The following PRPF38A variants were observed in gnomAD, a reference collection of about 807,000 sequenced individuals.
PRPF38A encodes the protein pre-mRNA processing factor 38A.
A neutral mutation model predicts 46.8 loss-of-function variants in PRPF38A; 11 were observed. The observed-to-expected ratio is 0.24, with a 90% CI of 0.15 to 0.39. PRPF38A has a LOEUF of 0.39. Among genes scored for constraint, PRPF38A ranks in the 10% least tolerant of loss-of-function variants. PRPF38A has a pLI of 1.00. For missense variants in PRPF38A, 261 were observed against 407.5 expected (o/e 0.64, Z 3.10); for synonymous variants, 124 against 136.2 (o/e 0.91, Z 0.62).
chr1:52,410,232 G>GCGGA, intron 3 of PRPF38A, among the ~76,000 whole-genome samples: 2 of 148,266 alleles, frequency 1.3e-5, no homozygotes, highest in Non-Finnish European at 1.5e-5. Flanking sequence ...AACCCGGGAG[G>GCGGA]CGGAGGTTGC....
intron 9 of PRPF38A, 125 bp from the exon 10 acceptor site, chr1:52,416,523 G>A: frequency 1.6e-6 from 1 of 638,952 alleles, no homozygotes; most frequent in Non-Finnish European, 2.8e-6. Context: ...TGGCCAGGCT[G>A]GTCTCGAATT....
At chr1:52,406,708 G>A (rs1388072192) in intron 2 of PRPF38A, among the ~76,000 whole-genome samples, 1 of 152,202 alleles carries the variant, frequency 6.6e-6, no homozygotes, top group Admixed American at 6.5e-5. Flanking sequence ...TCACAAACAA[G>A]TATAGGAGAC....
intron 2 of PRPF38A, among the ~76,000 whole-genome samples, chr1:52,407,162 C>T (rs547063601): frequency 2.6e-5 from 4 of 152,222 alleles, no homozygotes; most frequent in East Asian, 3.9e-4. Flanking sequence ...GGACTACAGG[C>T]GCCCACCACT....
chr1:52,408,556 A>T lies in PRPF38A; in HGVS notation c.291-13A>T, dbSNP rs764752516. On this transcript the variant is annotated splice_polypyrimidine_tract_variant and intron_variant, in intron 2 of 9. Coordinates refer to ENST00000257181, the MANE Select transcript of PRPF38A (RefSeq NM_032864.4). ...TAGGATGGCCTGTTGTTTCACTGTCATCTGTCTCTCAGGTATGTCCGCATG... is the reference window on the plus strand; with the variant it reads ...TAGGATGGCCTGTTGTTTCACTGTCTTCTGTCTCTCAGGTATGTCCGCATG... 1 of 1,614,110 alleles carries T rather than the reference A, an allele frequency of 6.2e-7. No homozygotes were observed. The highest frequency in any genetic ancestry group is 8.5e-7 in the Non-Finnish European group (1 of 1,179,964).
At chr1:52,414,158 A>G (rs1045872809) in intron 6 of PRPF38A, among the ~76,000 whole-genome samples, 167 bp downstream of exon 6, 1 of 152,256 alleles carries the variant, frequency 6.6e-6, no homozygotes, top group Admixed American at 6.5e-5. Context: ...GCAGACAACA[A>G]TAACCATTTG....
In PRPF38A at chr1:52,417,906, A is replaced by ACTAAAAAGCCTCCACGGACATCGATAAT. The variant is rs1268507815; in HGVS notation, c.*1218_*1245dup. 3 of 152,566 alleles carry ACTAAAAAGCCTCCACGGACATCGATAAT rather than the reference A, an allele frequency of 2.0e-5. No individual in the cohort carries two copies. The highest frequency in any genetic ancestry group is 7.2e-5 in the African/African-American group (3 of 41,454). The allele number at this position is 152,566 out of a possible 1,614,324, so 9.5% of individuals were successfully genotyped here. A position where few individuals can be genotyped will look rare whatever the true frequency, so the allele number is the denominator to read the frequency against. On this transcript the variant is annotated 3_prime_UTR_variant, in exon 10 of 10. Transcript: ENST00000257181. ...TCAAGAATGCAGAAGCAAAGGAAGGACTAAAAAGCCTCCACGGACATCGAT... is the reference window on the plus strand; with the variant it reads ...TCAAGAATGCAGAAGCAAAGGAAGGACTAAAAAGCCTCCACGGACATCGATAATCTAAAAAGCCTCCACGGACATCGAT...
At position 52,416,780 on chromosome 1, in the gene PRPF38A, T is replaced by C. The variant is rs753966016; in HGVS notation, c.*90T>C. On this transcript the variant is annotated 3_prime_UTR_variant, in exon 10 of 10. Coordinates refer to ENST00000257181, the MANE Select transcript of PRPF38A (RefSeq NM_032864.4). ...GATTAAGATCTCCCCCAGGCAGCTATAAGAATATTTTAGTTTTTTTCTTAT... is the reference window on the plus strand; with the variant it reads ...GATTAAGATCTCCCCCAGGCAGCTACAAGAATATTTTAGTTTTTTTCTTAT... 14 of 998,806 alleles carry C rather than the reference T, an allele frequency of 1.4e-5. No individual in the cohort carries two copies. The highest frequency in any genetic ancestry group is 2.1e-5 in the Non-Finnish European group (13 of 633,618). The allele number at this position is 998,806 out of a possible 1,614,324, so 61.9% of individuals were successfully genotyped here. A position where few individuals can be genotyped will look rare whatever the true frequency, so the allele number is the denominator to read the frequency against.
chr1:52,415,229 C>A, intron 8 of PRPF38A, 109 bp from the exon 9 acceptor site: 1 of 1,116,652 alleles, frequency 9.0e-7, no homozygotes, highest in Non-Finnish European at 1.3e-6. Context: ...GTGTCCCCTG[C>A]ATAGGCCAAA....
At chr1:52,415,307 G>A in intron 8 of PRPF38A, 31 bp from the exon 9 acceptor site, 1 of 1,608,634 alleles carries the variant, frequency 6.2e-7, no homozygotes, top group South Asian at 1.1e-5. Flanking sequence ...TAGAAGGGTA[G>A]GATCTTATGC....
chr1:52,407,964 G>A (rs1017694619), intron 2 of PRPF38A, among the ~76,000 whole-genome samples: 1 of 152,278 alleles, frequency 6.6e-6, no homozygotes, highest in African/African-American at 2.4e-5. Flanking sequence ...GCTGAGGCAG[G>A]AGAATCGCTT....
chr1:52,405,264 G>A (rs539845646), intron 1 of PRPF38A, among the ~76,000 whole-genome samples: 6 of 152,166 alleles, frequency 3.9e-5, no homozygotes, highest in Non-Finnish European at 5.9e-5. Flanking sequence ...TCTTAGATCT[G>A]GGCCGGTTCC....
chr1:52,413,445 T>A (rs1648205313), intron 5 of PRPF38A, among the ~76,000 whole-genome samples: 3 of 152,074 alleles, frequency 2.0e-5, no homozygotes, highest in Non-Finnish European at 4.4e-5. Flanking sequence ...CTTGCTCTGT[T>A]GCCCAGGCTG....
chr1:52,412,518 G>T lies in PRPF38A; in HGVS notation c.503G>T (p.Arg168Leu). The change falls in exon 5 of 10, where the codon CGC (arginine) becomes CTC (leucine). Residue 168 changes from arginine (R) to leucine (L), a missense_variant. By Grantham distance (102) the Arg-to-Leu change is moderately radical (BLOSUM62 -2). Transcript: ENST00000257181. ...CTCTCATCATTTTCTCTGTAGAAACGCTATGTATTAGAGGAAGCTGAGCAA... is the reference window on the plus strand; with the variant it reads ...CTCTCATCATTTTCTCTGTAGAAACTCTATGTATTAGAGGAAGCTGAGCAA... The part of the protein sequence containing the change: ...CDIILPRLQK[R>L]YVLEEAEQLE... 1.9e-6 allele frequency: 3 copies of T among 1,610,096 alleles called. No individual in the cohort carries two copies. The highest frequency in any genetic ancestry group is 2.5e-6 in the Non-Finnish European group (3 of 1,176,988).
chr1:52,404,959 T>A, intron 1 of PRPF38A, 80 bp downstream of exon 1: 1 of 1,540,674 alleles, frequency 6.5e-7, no homozygotes, highest in Admixed American at 1.9e-5. Context: ...GACTAGCGAC[T>A]GGCCTCTGGG....
chr1:52,408,444 A>T (rs775033189), intron 2 of PRPF38A, 125 bp from the exon 3 acceptor site: 3 of 1,296,990 alleles, frequency 2.3e-6, no homozygotes, highest in African/African-American at 2.9e-5. Context: ...CTACCTCCAC[A>T]ATTGCAGCTT....
At chr1:52,415,918 C>T (rs975107781) in intron 9 of PRPF38A, among the ~76,000 whole-genome samples, 42 of 137,436 alleles carry the variant, frequency 3.1e-4, no homozygotes, top group South Asian at 9.4e-4. Context: ...TCTCGGCTCA[C>T]TGCAAGCTCC....
In PRPF38A at chr1:52,414,655, T is replaced by C. The variant is rs780062156; in HGVS notation, c.749+8T>C. On this transcript the variant is annotated splice_region_variant and intron_variant, in intron 7 of 9. Coordinates refer to ENST00000257181, the MANE Select transcript of PRPF38A (RefSeq NM_032864.4). ...ATCTCCCAAAAGGAGAAGGTAGGCCTTCAGTCATTTGTGATGAAGGATAGG... is the reference window on the plus strand; with the variant it reads ...ATCTCCCAAAAGGAGAAGGTAGGCCCTCAGTCATTTGTGATGAAGGATAGG... 3.1e-6 allele frequency: 5 copies of C among 1,613,956 alleles called. No homozygotes were observed. The South Asian group carries it at 5.5e-5, about 18-fold the overall frequency.
intron 5 of PRPF38A, among the ~76,000 whole-genome samples, chr1:52,413,282 C>A (rs536988866): frequency 1.3e-5 from 2 of 152,290 alleles, no homozygotes; most frequent in South Asian, 4.1e-4. Context: ...CATAATTGCA[C>A]CTATCCTAAG....
chr1:52,420,731 ACTT>A lies in PRPF38A; in HGVS notation c.*4045_*4047del, dbSNP rs1228138862. The A allele has an allele frequency of 6.6e-6, 1 of 152,186 alleles. No homozygotes were observed. The highest frequency in any genetic ancestry group is 6.5e-5 in the Admixed American group (1 of 15,278). 9.4% of individuals were successfully genotyped at this position (152,186 alleles called of 1,614,324 possible). ...GAATGAATGAAGTTCACCAGATAGT[ACTT>A]CTTTCTGGCTGATGAACTTTTGAAT... On this transcript the variant is annotated 3_prime_UTR_variant, in exon 10 of 10. Transcript: ENST00000257181.
Sources: gnomAD v4.1 joint callset for allele counts (sites outside exome capture counted in the v4.1 genomes callset) on GRCh38, gnomAD v4.1.1 for gene constraint, MANE v1.5 for transcripts, NCBI Gene and HGNC (gene_info 2026-07-23, HGNC 2026-07-21) for gene names.